Variants in SDK1 observed in about 807,000 individuals in gnomAD.
The protein encoded by SDK1 is protein sidekick-1.
SDK1 carries 157 observed loss-of-function variants against 245.5 expected under a neutral mutation model. That is an observed-to-expected ratio of 0.64 (90% CI 0.56 to 0.73). The LOEUF is 0.73. SDK1 is among the 30% of genes least tolerant of loss of function. The pLI, the probability that SDK1 is intolerant of heterozygous loss-of-function variation, is 0.00. For missense variants in SDK1, 3,583 were observed against 3,002.3 expected, an observed-to-expected ratio of 1.19 and a Z score of -4.52; for synonymous variants, 1,647 against 1,278.5, an observed-to-expected ratio of 1.29 and a Z score of -6.15.
Position 4,127,422 on chromosome 7 carries a change from A to C in SDK1, c.3865A>C (p.Ser1289Arg). ...APENVSAEAV[S>R]STQILLTWTS... ...TGAGAACGTGTCAGCCGAGGCTGTC[A>C]GCTCGACCCAGATTTTACTGACATG... Residue 1289 changes from serine to arginine, a missense_variant, in exon 26 of 45, where the codon AGC becomes CGC. Transcript: ENST00000404826. 6.2e-7 allele frequency: 1 copy of C among 1,614,212 alleles called. No homozygotes were observed. The highest frequency in any genetic ancestry group is 8.5e-7 in the Non-Finnish European group (1 of 1,180,030).
intron 4 of SDK1, among the ~76,000 whole-genome samples, chr7:3,763,692 G>A (rs928427685): frequency 1.3e-5 from 2 of 152,046 alleles, no homozygotes; most frequent in African/African-American, 2.4e-5. Context: ...ATTCATAGAT[G>A]CCAGAATAAC....
intron 14 of SDK1, among the ~76,000 whole-genome samples, chr7:3,994,191 A>C (rs1249374207): frequency 1.3e-5 from 2 of 152,126 alleles, no homozygotes; most frequent in East Asian, 3.9e-4. Flanking sequence ...TAAGTCCCTC[A>C]TGTGTATTTC....
intron 27 of SDK1, among the ~76,000 whole-genome samples, chr7:4,130,829 G>A (rs970911430): frequency 4.6e-5 from 7 of 152,214 alleles, no homozygotes; most frequent in African/African-American, 1.2e-4. Context: ...GATCTCTCCC[G>A]CCACAACACC....
At chr7:3,663,427 G>A (rs924927140) in intron 4 of SDK1, among the ~76,000 whole-genome samples, 1 of 152,182 alleles carries the variant, frequency 6.6e-6, no homozygotes, top group African/African-American at 2.4e-5. Flanking sequence ...TGCTTGCGAT[G>A]TATCTTCTCG....
In SDK1 at chr7:4,051,125, ATAT is replaced by A. The variant is rs200097318; in HGVS notation, c.2719-509_2719-507del. On this transcript the variant is annotated intron_variant, in intron 18 of 44. Transcript: ENST00000404826. ...TATAATATATATGTATAATATATAC[ATAT>A]TATATATAATATATGTATAATATAT... 7.2e-3 allele frequency among the ~76,000 whole-genome samples: 1,008 copies of A among 139,770 alleles called. 13 individuals carry two copies. The highest frequency in any genetic ancestry group is 0.03 in the South Asian group (139 of 4,582). The allele number at this position is 139,770 out of a possible 152,430, so 91.7% of individuals were successfully genotyped here. A position where few individuals can be genotyped will look rare whatever the true frequency, so the allele number is the denominator to read the frequency against.
intron 21 of SDK1, among the ~76,000 whole-genome samples, chr7:4,078,960 C>T (rs35256591): frequency 0.33 from 49,708 of 151,876 alleles, 11,468 homozygotes; most frequent in African/African-American, 0.66. Flanking sequence ...CCGGGTGTCA[C>T]GTCGCCTGGG....
At chr7:3,568,653 G>A (rs969864854) in intron 1 of SDK1, among the ~76,000 whole-genome samples, 1 of 152,134 alleles carries the variant, frequency 6.6e-6, no homozygotes, top group Non-Finnish European at 1.5e-5. Flanking sequence ...CATGTTAAAG[G>A]GCAGACCTGT....
chr7:3,488,809 T>C (rs1023781065), intron 1 of SDK1, among the ~76,000 whole-genome samples: 5 of 152,126 alleles, frequency 3.3e-5, no homozygotes, highest in African/African-American at 1.2e-4. Context: ...ACTTGTCTCA[T>C]AGGCTGGCTG....
intron 5 of SDK1, among the ~76,000 whole-genome samples, chr7:3,822,623 G>A (rs1401175384): frequency 6.6e-6 from 1 of 151,898 alleles, no homozygotes; most frequent in African/African-American, 2.4e-5. Flanking sequence ...TGCAAAATTA[G>A]CAGGCATGGT....
rs574422790 is a variant in SDK1, at chr7:3,466,054, G to A, written c.299-153026G>A. Among the ~76,000 whole-genome samples the A allele has an allele frequency of 2.0e-5, 3 of 152,128 alleles. No homozygotes were observed. In the South Asian group the frequency reaches 6.2e-4, roughly 32 times the overall value. On this transcript the variant is annotated intron_variant, in intron 1 of 44. Transcript: ENST00000404826. ...GGGCTGGTTTTTCTCTTCTCAGATG[G>A]GCAACTCAGCTAGGGGAGGTGAGGT...
At chr7:3,981,943 G>GC (rs548432093) in intron 13 of SDK1, among the ~76,000 whole-genome samples, 77 of 152,352 alleles carry the variant, frequency 5.1e-4, no homozygotes, top group African/African-American at 1.9e-3. Flanking sequence ...CAAGAAATTT[G>GC]CAGTGTAGAC....
chr7:4,115,573 T>C (rs1037973346), intron 25 of SDK1, among the ~76,000 whole-genome samples: 3 of 152,242 alleles, frequency 2.0e-5, no homozygotes, highest in African/African-American at 7.2e-5. Flanking sequence ...TGGCTCTGTT[T>C]CCTGGAGACA....
chr7:3,556,625 A>G (rs908941764), intron 1 of SDK1, among the ~76,000 whole-genome samples: 6 of 151,898 alleles, frequency 4.0e-5, no homozygotes, highest in Non-Finnish European at 8.8e-5. Flanking sequence ...TTTTGAGACC[A>G]GTCTGGCGAA....
chr7:3,972,987 A>T (rs571554639), intron 12 of SDK1, among the ~76,000 whole-genome samples: 1 of 152,202 alleles, frequency 6.6e-6, no homozygotes, highest in East Asian at 1.9e-4. Context: ...GATTTGGAGT[A>T]TGACTTCAAG....
intron 37 of SDK1, among the ~76,000 whole-genome samples, chr7:4,208,665 C>T (rs534108863): frequency 2.0e-5 from 3 of 152,334 alleles, no homozygotes; most frequent in South Asian, 4.1e-4. Flanking sequence ...ATGGCATGTC[C>T]AGATCCTTGG....
chr7:4,248,963 C>T (rs568495248), intron 44 of SDK1, among the ~76,000 whole-genome samples: 4 of 152,110 alleles, frequency 2.6e-5, no homozygotes, highest in Admixed American at 2.6e-4. Flanking sequence ...TACCTAAATA[C>T]ACACATACAC....
In SDK1 at chr7:3,929,656, T is replaced by G. The variant is rs192059545; in HGVS notation, c.848-21267T>G. 6.4e-3 allele frequency among the ~76,000 whole-genome samples: 973 copies of G among 152,150 alleles called. 11 individuals carry two copies. The highest frequency in any genetic ancestry group is 0.022 in the African/African-American group (899 of 41,492). On this transcript the variant is annotated intron_variant, in intron 5 of 44. Transcript: ENST00000404826. ...ATATACTCCTGGAGGGTTGTAGGGATTTGGAGGAAAGGTCAGAGTGATAGG... is the reference window on the plus strand; with the variant it reads ...ATATACTCCTGGAGGGTTGTAGGGAGTTGGAGGAAAGGTCAGAGTGATAGG...
intron 1 of SDK1, among the ~76,000 whole-genome samples, chr7:3,317,917 C>T (rs902196399): frequency 6.6e-6 from 1 of 152,052 alleles, no homozygotes; most frequent in South Asian, 2.1e-4. Context: ...TTTCTTATGA[C>T]AAAATATGAG....
rs181519821 is a variant in SDK1, at chr7:3,797,356, C to G, written c.714-24094C>G. On this transcript the variant is annotated intron_variant, in intron 4 of 44. Coordinates refer to ENST00000404826, the MANE Select transcript of SDK1 (RefSeq NM_152744.4). Reference sequence around the variant, plus strand: ...CTTCTTTCACCTTTTCTTTTTTTCTCTTTCCCTCCACATATATAAATAAGC... The same window carrying G: ...CTTCTTTCACCTTTTCTTTTTTTCTGTTTCCCTCCACATATATAAATAAGC... Among the ~76,000 whole-genome samples, 270 of 151,820 alleles carry G rather than the reference C, an allele frequency of 1.8e-3. 6 individuals are homozygous for G. The South Asian group carries it at 0.028, about 16-fold the overall frequency.
Sources: allele counts gnomAD v4.1 joint callset (sites outside exome capture counted in the v4.1 genomes callset), GRCh38; gene constraint gnomAD v4.1.1; transcripts MANE v1.5; gene names NCBI Gene and HGNC (gene_info 2026-07-23, HGNC 2026-07-21).